PALS1: variants seen among roughly 807,000 people sequenced by gnomAD.
The protein encoded by PALS1 is protein PALS1.
PALS1 carries 31 observed loss-of-function variants against 78.9 expected under a neutral mutation model. The ratio of observed to expected loss-of-function variants is 0.39; its 90% CI spans 0.30 to 0.53. The LOEUF (loss-of-function observed/expected upper bound fraction) is 0.53, where lower values mean the gene tolerates loss of function less well. PALS1 is among the 20% of genes least tolerant of loss of function. PALS1 has a pLI of 0.67. For missense variants in PALS1, 704 were observed against 826.5 expected, an observed-to-expected ratio of 0.85 and a Z score of 1.82; for synonymous variants, 276 against 270.9, an observed-to-expected ratio of 1.02 and a Z score of -0.18.
At chr14:67,314,266 A>G (rs1004259511) in intron 9 of PALS1, among the ~76,000 whole-genome samples, 4 of 152,222 alleles carry the variant, frequency 2.6e-5, no homozygotes, top group Non-Finnish European at 5.9e-5. Flanking sequence ...GAAGTTGTCC[A>G]AAGATTTTAG....
rs2085505788 is a variant in PALS1, at chr14:67,334,817, A to AATC, written c.*1862_*1864dup. Reference sequence around the variant, plus strand: ...TAAGGAATATACTTAGCACTTACTTAATCTTTTCAGTTTTCCAGTTTACGT... The same window carrying AATC: ...TAAGGAATATACTTAGCACTTACTTAATCATCTTTTCAGTTTTCCAGTTTACGT... On this transcript the variant is annotated 3_prime_UTR_variant, in exon 15 of 15. Transcript: ENST00000261681. The AATC allele has an allele frequency of 6.6e-6, 1 of 152,208 alleles. No individual in the cohort carries two copies. The highest frequency in any genetic ancestry group is 2.4e-5 in the African/African-American group (1 of 41,452). 9.4% of individuals were successfully genotyped at this position (152,208 alleles called of 1,614,324 possible).
chr14:67,325,220 C>G (rs1204834753), intron 14 of PALS1, among the ~76,000 whole-genome samples: 1 of 152,126 alleles, frequency 6.6e-6, no homozygotes, highest in Non-Finnish European at 1.5e-5. Context: ...TCATTCTTGA[C>G]TGTCCACCAC....
At chr14:67,316,112 A>C (rs1011744637) in intron 9 of PALS1, among the ~76,000 whole-genome samples, 2 of 152,224 alleles carry the variant, frequency 1.3e-5, no homozygotes, top group African/African-American at 4.8e-5. Flanking sequence ...TAAAATAAAA[A>C]AGTGGAACCT....
intron 5 of PALS1, 90 bp from the exon 6 acceptor site, chr14:67,301,882 T>G: frequency 7.5e-7 from 1 of 1,328,004 alleles, no homozygotes; most frequent in Admixed American, 2.6e-5. Flanking sequence ...AAAGATTTAA[T>G]GGTCAGAATA....
intron 14 of PALS1, among the ~76,000 whole-genome samples, chr14:67,325,503 A>G (rs1280371674): frequency 6.6e-6 from 1 of 152,178 alleles, no homozygotes; most frequent in African/African-American, 2.4e-5. Flanking sequence ...GGGATGATAC[A>G]AAGGAAATAG....
At position 67,323,726 on chromosome 14, in the gene PALS1, G is replaced by T; in HGVS notation, c.1765G>T (p.Asp589Tyr). The T allele has an allele frequency of 6.3e-7, 1 of 1,592,474 alleles. No homozygotes were observed. Among genetic ancestry groups the T allele is most frequent in the Non-Finnish European group, 8.5e-7 (1 of 1,171,180 alleles). ...GTCATTGAAGACTCTCCGGAATTCA[G>T]ATTTGAAACCATATATTATCTTCAT... ...TQSLKTLRNS[D>Y]LKPYIIFIAP... The change falls in exon 14 of 15, where the codon GAT becomes TAT. Residue 589 changes from aspartate (D) to tyrosine (Y), a missense_variant. Asp to Tyr is a radical substitution (Grantham distance 160). Transcript: ENST00000261681.
intron 3 of PALS1, among the ~76,000 whole-genome samples, chr14:67,289,979 C>T (rs945442044): frequency 6.6e-6 from 1 of 151,812 alleles, no homozygotes; most frequent in Non-Finnish European, 1.5e-5. Flanking sequence ...TCACCGTGTT[C>T]GCCAGGATGG....
intron 1 of PALS1, among the ~76,000 whole-genome samples, chr14:67,247,718 A>T (rs1023617692): frequency 6.6e-6 from 1 of 151,898 alleles, no homozygotes; most frequent in Admixed American, 6.6e-5. Flanking sequence ...GCTGGGACCT[A>T]CTGCAAGTGC....
chr14:67,297,097 T>G (rs2084866548), intron 4 of PALS1, among the ~76,000 whole-genome samples: 1 of 152,146 alleles, frequency 6.6e-6, no homozygotes, highest in Admixed American at 6.5e-5. Context: ...ACAAAGCACT[T>G]TGGGGGAAAA....
chr14:67,323,728 T>C lies in PALS1; in HGVS notation c.1767T>C (p.Asp589=), dbSNP rs759883070. ...TQSLKTLRNS[D]LKPYIIFIAP... ...CATTGAAGACTCTCCGGAATTCAGATTTGAAACCATATATTATCTTCATTG... is the reference window on the plus strand; with the variant it reads ...CATTGAAGACTCTCCGGAATTCAGACTTGAAACCATATATTATCTTCATTG... Residue 589 remains aspartate, a synonymous_variant, in exon 14 of 15, where the codon GAT becomes GAC. Coordinates refer to ENST00000261681, the MANE Select transcript of PALS1 (RefSeq NM_022474.4). 5.0e-6 allele frequency: 8 copies of C among 1,594,340 alleles called. No homozygotes were observed. Among genetic ancestry groups the C allele is most frequent in the Middle Eastern group, 3.3e-4 (2 of 6,060 alleles).
chr14:67,280,142 T>C (rs963183912), intron 3 of PALS1, among the ~76,000 whole-genome samples: 8 of 152,226 alleles, frequency 5.3e-5, no homozygotes, highest in African/African-American at 1.9e-4. Context: ...CTAAATAAGT[T>C]AAATAGCTTC....
Position 67,276,654 on chromosome 14 carries a change from T to C in PALS1, c.-153-2364T>C, listed in dbSNP as rs537040646. 7.9e-5 allele frequency among the ~76,000 whole-genome samples: 12 copies of C among 152,330 alleles called. No individual in the cohort carries two copies. In the South Asian group the frequency reaches 2.3e-3, roughly 29 times the overall value. The stretch of plus-strand genomic sequence containing the variant: ...GAGATTGAGGAAAAATAATCATTTA[T>C]TTTCTTTGCTTTCTCTCCCAGTAGA... On this transcript the variant is annotated intron_variant, in intron 2 of 14. Coordinates refer to ENST00000261681, the MANE Select transcript of PALS1 (RefSeq NM_022474.4).
At chr14:67,282,874 A>G (rs2084624534) in intron 3 of PALS1, among the ~76,000 whole-genome samples, 1 of 152,144 alleles carries the variant, frequency 6.6e-6, no homozygotes, top group Admixed American at 6.5e-5. Flanking sequence ...GGTAATTTTC[A>G]TATATTTCTA....
chr14:67,258,135 C>G (rs1431990229), intron 1 of PALS1, among the ~76,000 whole-genome samples: 1 of 151,774 alleles, frequency 6.6e-6, no homozygotes, highest in East Asian at 1.9e-4. Context: ...CTAATATGAG[C>G]ATACATAGAT....
intron 9 of PALS1, among the ~76,000 whole-genome samples, chr14:67,315,834 C>T (rs1049380020): frequency 2.6e-5 from 4 of 152,160 alleles, no homozygotes; most frequent in East Asian, 1.9e-4. Context: ...CTGAGGCATG[C>T]GAATCCCTTG....
At chr14:67,280,271 T>C (rs1359264889) in intron 3 of PALS1, among the ~76,000 whole-genome samples, 4 of 152,266 alleles carry the variant, frequency 2.6e-5, no homozygotes, top group African/African-American at 4.8e-5. Flanking sequence ...ATTTACTGCC[T>C]GCCCTTCTTG....
chr14:67,248,347 T>C (rs922404994), intron 1 of PALS1, among the ~76,000 whole-genome samples: 56 of 152,026 alleles, frequency 3.7e-4, no homozygotes, highest in Non-Finnish European at 1.6e-4. Context: ...TAACAAGATC[T>C]CTTTTCTTAA....
chr14:67,289,845 A>G (rs1310115323), intron 3 of PALS1, among the ~76,000 whole-genome samples: 1 of 138,316 alleles, frequency 7.2e-6, no homozygotes, highest in Admixed American at 8.3e-5. Flanking sequence ...ATCTCGGTTC[A>G]CTGCAAGCTC....
chr14:67,321,415 C>T (rs2085263463), intron 13 of PALS1, among the ~76,000 whole-genome samples, 156 bp downstream of exon 13: 1 of 152,142 alleles, frequency 6.6e-6, no homozygotes, highest in African/African-American at 2.4e-5. Flanking sequence ...ACACAGGTTG[C>T]TAAATCTCTT....
Sources: gnomAD v4.1 joint callset for allele counts (sites outside exome capture counted in the v4.1 genomes callset) on GRCh38, gnomAD v4.1.1 for gene constraint, MANE v1.5 for transcripts, NCBI Gene and HGNC (gene_info 2026-07-23, HGNC 2026-07-21) for gene names.